INTS10: variants seen among roughly 807,000 people sequenced by gnomAD.
INTS10 encodes integrator complex subunit 10, also known as chromosome 8 open reading frame 35.
A neutral mutation model predicts 94.4 loss-of-function variants in INTS10; 44 were observed. The observed-to-expected ratio is 0.47, with a 90% CI of 0.37 to 0.60. The LOEUF is 0.60. Among genes scored for constraint, INTS10 ranks in the 20% least tolerant of loss-of-function variants. The pLI is 0.00. For missense variants in INTS10, 797 were observed against 868.7 expected (o/e 0.92, Z 1.04); for synonymous variants, 341 against 320.7 (o/e 1.06, Z -0.68).
chr8:19,840,222 ATG>A (rs2128798627), intron 13 of INTS10, among the ~76,000 whole-genome samples: 1 of 152,322 alleles, frequency 6.6e-6, no homozygotes, highest in East Asian at 1.9e-4. Flanking sequence ...GGTAAATTTA[ATG>A]AAAGATATGC....
At chr8:19,841,184 G>A (rs1370742037) in intron 13 of INTS10, among the ~76,000 whole-genome samples, 3 of 151,976 alleles carry the variant, frequency 2.0e-5, no homozygotes, top group Non-Finnish European at 4.4e-5. Context: ...TGTAAAAAAC[G>A]ACAATAAAAA....
chr8:19,836,464 G>A (rs1392274089), intron 12 of INTS10, among the ~76,000 whole-genome samples: 1 of 152,168 alleles, frequency 6.6e-6, no homozygotes, highest in Non-Finnish European at 1.5e-5. Context: ...CCAAACCGCT[G>A]GCCCTCAAGT....
At chr8:19,819,533 A>C in intron 2 of INTS10, 40 bp from the exon 3 acceptor site, 4 of 1,494,606 alleles carry the variant, frequency 2.7e-6, no homozygotes, top group Non-Finnish European at 2.8e-6. Flanking sequence ...TACTGTATAG[A>C]CTTTGACATT....
At chr8:19,832,825 C>A (rs1439626240) in intron 11 of INTS10, among the ~76,000 whole-genome samples, 1 of 152,162 alleles carries the variant, frequency 6.6e-6, no homozygotes, top group East Asian at 1.9e-4. Flanking sequence ...TTCCATCCTT[C>A]ATAAAGGAGA....
At chr8:19,836,123 C>T (rs1021489106) in intron 12 of INTS10, among the ~76,000 whole-genome samples, 4 of 151,772 alleles carry the variant, frequency 2.6e-5, no homozygotes, top group East Asian at 1.9e-4. Flanking sequence ...CAAATCTACA[C>T]GTTCGGCACA....
chr8:19,843,110 C>T lies in INTS10; in HGVS notation c.1719+183C>T, dbSNP rs2068272638. Among the ~76,000 whole-genome samples, 1 of 152,134 alleles carries T rather than the reference C, an allele frequency of 6.6e-6. No homozygotes were observed. Among genetic ancestry groups the T allele is most frequent in the African/African-American group, 2.4e-5 (1 of 41,406 alleles). ...TATATTAAATAATGACTGCGCTAGG[C>T]AAAGAGAAGTAGGAAGTTCTCCCCG... On this transcript the variant is annotated intron_variant, in intron 14 of 16. Transcript: ENST00000397977. The surrounding 1 kb of genome is among the most constrained non-coding windows in gnomAD (Gnocchi z 4.7).
At position 19,820,527 on chromosome 8, in the gene INTS10, T is replaced by G. The variant is rs373798437; in HGVS notation, c.441+9T>G. The G allele has an allele frequency of 1.2e-6, 2 of 1,602,730 alleles. No individual in the cohort carries two copies. The highest frequency in any genetic ancestry group is 1.7e-6 in the Non-Finnish European group (2 of 1,172,624). On this transcript the variant is annotated intron_variant, in intron 4 of 16. Transcript: ENST00000397977. ...CGGTGGTGCAGCATGGGGTGAGATT[T>G]GATTCTTCCCCTTCTTTTAATATAA...
In INTS10 at chr8:19,820,563, G is replaced by A. The variant is rs759619060; in HGVS notation, c.441+45G>A. 9 of 1,541,230 alleles carry A rather than the reference G, an allele frequency of 5.8e-6. No individual in the cohort carries two copies. The East Asian group carries it at 2.1e-4, about 36-fold the overall frequency. ...CTTCTTTTAATATAAAATACAATGG[G>A]TCATCAACAGATTCATCGGTATGGT... is the stretch of plus-strand genomic sequence containing the variant. On this transcript the variant is annotated intron_variant, in intron 4 of 16. Coordinates refer to ENST00000397977, the MANE Select transcript of INTS10 (RefSeq NM_018142.4).
intron 16 of INTS10, among the ~76,000 whole-genome samples, chr8:19,850,574 A>G (rs1247233789): frequency 6.6e-6 from 1 of 152,160 alleles, no homozygotes; most frequent in Admixed American, 6.5e-5. Context: ...GTTTTTAAAA[A>G]CAGAAACATT....
In INTS10 at chr8:19,843,958, A is replaced by G; in HGVS notation, c.1720-118A>G. On this transcript the variant is annotated intron_variant, in intron 14 of 16. Transcript: ENST00000397977. The surrounding 1 kb of genome is among the most constrained non-coding windows in gnomAD (Gnocchi z 4.7). ...GTGCCTTTGTTTCCTTCTTACTCTAATGACGTTTATCACACATTTGCATAT... is the reference window on the plus strand; with the variant it reads ...GTGCCTTTGTTTCCTTCTTACTCTAGTGACGTTTATCACACATTTGCATAT... 2 of 709,192 alleles carry G rather than the reference A, an allele frequency of 2.8e-6. No homozygotes were observed. The highest frequency in any genetic ancestry group is 2.4e-5 in the South Asian group (1 of 42,506). 43.9% of individuals were successfully genotyped at this position (709,192 alleles called of 1,614,324 possible).
Position 19,817,501 on chromosome 8 carries a change from G to A in INTS10, c.-37G>A. The A allele has an allele frequency of 6.3e-7, 1 of 1,592,590 alleles. No individual in the cohort carries two copies. Among genetic ancestry groups the A allele is most frequent in the Non-Finnish European group, 8.5e-7 (1 of 1,171,868 alleles). ...CTGAGAGTCCAGAGCCGGACGTTCCGGCCGCTTCGGGCTGGCGGCTGGAGA... is the reference window on the plus strand; with the variant it reads ...CTGAGAGTCCAGAGCCGGACGTTCCAGCCGCTTCGGGCTGGCGGCTGGAGA... On this transcript the variant is annotated 5_prime_UTR_variant, in exon 1 of 17. Transcript: ENST00000397977.
At chr8:19,830,974 A>C (rs1031028835) in intron 10 of INTS10, among the ~76,000 whole-genome samples, 25 of 152,138 alleles carry the variant, frequency 1.6e-4, no homozygotes, top group Admixed American at 1.6e-3. Context: ...GCCCAGCCAT[A>C]TTGCTGTTTT....
At chr8:19,832,194 C>A in intron 11 of INTS10, 84 bp downstream of exon 11, 1 of 785,920 alleles carries the variant, frequency 1.3e-6, no homozygotes, top group Non-Finnish European at 2.3e-6. Context: ...CAGAATGTGT[C>A]ATGTTCCCTC....
At chr8:19,839,973 G>C (rs897476702) in intron 13 of INTS10, among the ~76,000 whole-genome samples, 5 of 144,220 alleles carry the variant, frequency 3.5e-5, no homozygotes, top group Non-Finnish European at 7.5e-5. Flanking sequence ...TGAGGTGGGA[G>C]AATCACTTGA....
chr8:19,826,002 T>TTA (rs2066758876), intron 8 of INTS10, among the ~76,000 whole-genome samples: 2 of 152,240 alleles, frequency 1.3e-5, no homozygotes, highest in Non-Finnish European at 2.9e-5. Flanking sequence ...TGAACGTATT[T>TTA]TTAATGACGT....
intron 9 of INTS10, among the ~76,000 whole-genome samples, chr8:19,827,122 G>A (rs752432538): frequency 1.8e-4 from 27 of 152,138 alleles, no homozygotes; most frequent in Non-Finnish European, 3.2e-4. Flanking sequence ...TTTGTTGAGA[G>A]GGAAAAGTGT....
At chr8:19,829,801 T>C (rs1483891805) in intron 9 of INTS10, among the ~76,000 whole-genome samples, 1 of 152,156 alleles carries the variant, frequency 6.6e-6, no homozygotes, top group Non-Finnish European at 1.5e-5. Flanking sequence ...CCTGAGTAGC[T>C]AGGATTACAG....
In INTS10 at chr8:19,843,356, A is replaced by G. The variant is rs1196693988; in HGVS notation, c.1719+429A>G. 2.6e-5 allele frequency among the ~76,000 whole-genome samples: 4 copies of G among 152,218 alleles called. No individual in the cohort carries two copies. Among genetic ancestry groups the G allele is most frequent in the Admixed American group, 6.5e-5 (1 of 15,276 alleles). ...CCAGTAACAGCCCAACAGTTGGGAA[A>G]GTTCCGGGACTTGAAAGAACGCCAA... On this transcript the variant is annotated intron_variant, in intron 14 of 16. Transcript: ENST00000397977. This position sits in a 1 kb window ranked among gnomAD's most constrained non-coding sequence, Gnocchi z 4.7.
chr8:19,818,305 G>C lies in INTS10; in HGVS notation c.160G>C (p.Glu54Gln). 6.2e-7 allele frequency: 1 copy of C among 1,614,204 alleles called. No homozygotes were observed. Among genetic ancestry groups the C allele is most frequent in the Non-Finnish European group, 8.5e-7 (1 of 1,180,042 alleles). ...YEMYTIERNA[E>Q]RTATAGRLLY... ...GATGTACACCATCGAGCGGAATGCAGAGCGGACCGCCACCGCCGGGAGGCT... is the reference window on the plus strand; with the variant it reads ...GATGTACACCATCGAGCGGAATGCACAGCGGACCGCCACCGCCGGGAGGCT... Residue 54 changes from glutamate (E) to glutamine (Q), a missense_variant, in exon 2 of 17, where the codon GAG (glutamate) becomes CAG (glutamine). By Grantham distance (29) the Glu-to-Gln change is conservative. Transcript: ENST00000397977.
Sources: gnomAD v4.1 joint callset for allele counts (sites outside exome capture counted in the v4.1 genomes callset) on GRCh38, gnomAD v4.1.1 for gene constraint, Gnocchi (gnomAD v3.1) non-coding constraint, MANE v1.5 for transcripts, NCBI Gene and HGNC (gene_info 2026-07-23, HGNC 2026-07-21) for gene names.